The following RLF variants were observed in gnomAD, a reference collection of about 807,000 sequenced individuals.
RLF encodes RLF zinc finger, also known as zinc finger protein Rlf.
In RLF, 7 loss-of-function variants were observed where a neutral mutation model predicts 162.9. That is an observed-to-expected ratio of 0.04 (90% CI 0.02 to 0.08). The LOEUF (loss-of-function observed/expected upper bound fraction) is 0.08, where lower values mean the gene tolerates loss of function less well. Among genes scored for constraint, RLF ranks in the 10% least tolerant of loss-of-function variants. The pLI is 1.00. For missense variants in RLF, 1,664 were observed against 2,244.7 expected, an observed-to-expected ratio of 0.74 and a Z score of 5.23; for synonymous variants, 782 against 791.5, an observed-to-expected ratio of 0.99 and a Z score of 0.20.
chr1:40,179,330 T>A (rs546832220), intron 1 of RLF, among the ~76,000 whole-genome samples: 54 of 152,328 alleles, frequency 3.5e-4, no homozygotes, highest in Non-Finnish European at 5.3e-4. Flanking sequence ...TGTAATACTT[T>A]TACCCAGCAT....
chr1:40,181,001 G>A (rs1049369200), intron 1 of RLF, among the ~76,000 whole-genome samples: 3 of 152,158 alleles, frequency 2.0e-5, no homozygotes, highest in East Asian at 1.9e-4. Flanking sequence ...GTTTTCTCCT[G>A]AAGTTTTATC....
At chr1:40,178,632 G>GTTTTTTTTT (rs57391266) in intron 1 of RLF, among the ~76,000 whole-genome samples, 2 of 88,410 alleles carry the variant, frequency 2.3e-5, no homozygotes, top group Non-Finnish European at 4.7e-5. Context: ...TTTTTTTTTT[G>GTTTTTTTTT]TTTTTTTTTT....
rs374953272 is a variant in RLF at position 40,168,697 on chromosome 1, A to G, written c.237+7061A>G. ...ATATAAAATGCATTAAATTTTATAT[A>G]AATAATATGTTTTGGCCGTGCACGG... On this transcript the variant is annotated intron_variant, in intron 1 of 7. Transcript: ENST00000372771. 8.5e-5 allele frequency among the ~76,000 whole-genome samples: 13 copies of G among 152,300 alleles called. 1 individual carries two copies. The highest frequency in any genetic ancestry group is 3.9e-4 in the East Asian group (2 of 5,182).
intron 1 of RLF, among the ~76,000 whole-genome samples, chr1:40,171,618 A>G (rs1258794547): frequency 1.3e-5 from 2 of 152,224 alleles, no homozygotes; most frequent in Non-Finnish European, 1.5e-5. Context: ...AAACTAGTGG[A>G]TGCTCATTCT....
Position 40,239,474 on chromosome 1 carries a change from G to A in RLF, c.4772G>A (p.Cys1591Tyr), listed in dbSNP as rs746422845. 1 of 1,613,996 alleles carries A rather than the reference G, an allele frequency of 6.2e-7. No individual in the cohort carries two copies. The change falls in exon 8 of 8, where the codon TGC becomes TAC. Residue 1591 changes from cysteine to tyrosine, a missense_variant. This residue lies in a region of RLF where 327 missense variants were observed against 342.7 expected (regional missense o/e 0.95). Coordinates refer to ENST00000372771, the MANE Select transcript of RLF (RefSeq NM_012421.4). ...LEQQMENLVV[C>Y]VKYGTKIKEE... ...CAACAGATGGAGAATCTTGTTGTTT[G>A]CGTTAAGTACGGTACCAAAATTAAG... is the stretch of plus-strand genomic sequence containing the variant.
intron 7 of RLF, among the ~76,000 whole-genome samples, chr1:40,233,990 C>A (rs1205423566): frequency 1.3e-5 from 2 of 152,176 alleles, no homozygotes; most frequent in African/African-American, 2.4e-5. Flanking sequence ...ACTCTGTTGC[C>A]CAGGCTGGCA....
chr1:40,214,918 C>CAAAAAAAAAAAAAAAAAAAAAAAAAAA (rs34756935), intron 5 of RLF, among the ~76,000 whole-genome samples: 1 of 14,394 alleles, frequency 6.9e-5, no homozygotes, highest in Non-Finnish European at 1.4e-4. Context: ...GAGCCTGTCT[C>CAAAAAAAAAAAAAAAAAAAAAAAAAAA]AAAAAAAAAA....
chr1:40,222,750 A>G lies in RLF; in HGVS notation c.947+40A>G, dbSNP rs375968085. The G allele has an allele frequency of 1.5e-4, 235 of 1,544,590 alleles. No individual in the cohort carries two copies. The African/African-American group carries it at 2.8e-3, about 18-fold the overall frequency. On this transcript the variant is annotated intron_variant, in intron 6 of 7. Transcript: ENST00000372771. ...TTTTACACTCTTTATTTGTTAGTAC[A>G]TAGTATAGCATTTAGGGTTTATGTA...
chr1:40,171,389 A>G (rs2124525198), intron 1 of RLF, among the ~76,000 whole-genome samples: 1 of 152,288 alleles, frequency 6.6e-6, no homozygotes, highest in East Asian at 1.9e-4. Context: ...TAGCCAGCAC[A>G]ATTTCTTATT....
chr1:40,161,503 G>T lies in RLF; in HGVS notation c.104G>T (p.Arg35Leu). The change falls in exon 1 of 8, where the codon CGG becomes CTG. Residue 35 changes from arginine (R) to leucine (L), a missense_variant. Physicochemically the swap from Arg to Leu is moderately radical, Grantham distance 102. Coordinates refer to ENST00000372771, the MANE Select transcript of RLF (RefSeq NM_012421.4). The surrounding 1 kb of genome is among the most constrained non-coding windows in gnomAD (Gnocchi z 4.4). The stretch of plus-strand genomic sequence containing the variant: ...GGAGTCGAGACTGAGTCCATGGTTC[G>T]GGGTCATCGCCCCGTATCTCCAGCG... ...GDGVETESMV[R>L]GHRPVSPAPG... 1 of 1,604,482 alleles carries T rather than the reference G, an allele frequency of 6.2e-7. No homozygotes were observed. The highest frequency in any genetic ancestry group is 8.5e-7 in the Non-Finnish European group (1 of 1,176,184).
At chr1:40,183,237 T>C (rs1485320176) in intron 1 of RLF, among the ~76,000 whole-genome samples, 2 of 152,230 alleles carry the variant, frequency 1.3e-5, no homozygotes, top group Non-Finnish European at 1.5e-5. Context: ...TGTATAATTC[T>C]GGGAATTTCA....
At chr1:40,180,729 T>C (rs1642394220) in intron 1 of RLF, among the ~76,000 whole-genome samples, 1 of 152,250 alleles carries the variant, frequency 6.6e-6, no homozygotes, top group African/African-American at 2.4e-5. Flanking sequence ...TGCCCAATTT[T>C]TAATTGGCTT....
intron 1 of RLF, among the ~76,000 whole-genome samples, chr1:40,178,102 ATGAGTGT>A (rs2124528956): frequency 1.3e-5 from 2 of 151,796 alleles, no homozygotes; most frequent in African/African-American, 4.8e-5. Flanking sequence ...ATAGATATAT[ATGAGTGT>A]TATATAAATA....
chr1:40,239,701 C>T lies in RLF; in HGVS notation c.4999C>T (p.Leu1667Phe), dbSNP rs773021755. Residue 1667 changes from leucine (L) to phenylalanine (F), a missense_variant, in exon 8 of 8, where the codon CTC becomes TTC. By Grantham distance (22) the Leu-to-Phe change is conservative (BLOSUM62 0). This residue lies in a region of RLF where 327 missense variants were observed against 342.7 expected (regional missense o/e 0.95). Transcript: ENST00000372771. ...SSSVFDADTL[L>F]YRGTLKCNHS... ...CTCAGTATTTGATGCAGATACTCTG[C>T]TCTACAGGGGAACTTTGAAATGTAA... The T allele has an allele frequency of 1.9e-6, 3 of 1,614,168 alleles. No individual in the cohort carries two copies. The highest frequency in any genetic ancestry group is 2.2e-5 in the East Asian group (1 of 44,892).
intron 1 of RLF, among the ~76,000 whole-genome samples, chr1:40,180,468 G>T (rs1642391035): frequency 6.6e-6 from 1 of 152,052 alleles, no homozygotes; most frequent in Non-Finnish European, 1.5e-5. Flanking sequence ...CACCATGTTG[G>T]CCAGGCTGGT....
At chr1:40,163,241 T>G (rs983425160) in intron 1 of RLF, among the ~76,000 whole-genome samples, 2 of 152,114 alleles carry the variant, frequency 1.3e-5, no homozygotes, top group African/African-American at 4.8e-5. Flanking sequence ...CGTGAAGGTC[T>G]GGGGTGGGGA....
chr1:40,222,973 A>G (rs1205647897), intron 6 of RLF, among the ~76,000 whole-genome samples: 1 of 151,692 alleles, frequency 6.6e-6, no homozygotes, highest in Non-Finnish European at 1.5e-5. Context: ...AATTTTGTCA[A>G]TATGAAACAA....
chr1:40,237,907 C>G lies in RLF; in HGVS notation c.3205C>G (p.His1069Asp). The change falls in exon 8 of 8, where the codon CAT (histidine) becomes GAT (aspartate). Residue 1069 changes from histidine to aspartate, a missense_variant. His to Asp is a moderately conservative substitution (Grantham distance 81, BLOSUM62 -1). This residue lies in a region of RLF where 295 missense variants were observed against 317.4 expected (regional missense o/e 0.93). Coordinates refer to ENST00000372771, the MANE Select transcript of RLF (RefSeq NM_012421.4). This position sits in a 1 kb window ranked among gnomAD's most constrained non-coding sequence, Gnocchi z 4.4. ...TMLELLLRLK[H>D]LSLKNSITHG... ...GTTGGAACTTCTGTTACGCTTGAAA[C>G]ATTTAAGCTTGAAAAACTCAATAAC... The G allele has an allele frequency of 6.2e-7, 1 of 1,614,126 alleles. No individual in the cohort carries two copies. The highest frequency in any genetic ancestry group is 1.1e-5 in the South Asian group (1 of 91,084).
rs1018629534 is a variant in RLF, at chr1:40,167,020, TTACTA to T, written c.237+5387_237+5391del. On this transcript the variant is annotated intron_variant, in intron 1 of 7. Transcript: ENST00000372771. ...AAGTATAATTTTAAAAAAAAAGAAA[TTACTA>T]TAAAGGAACAGGATAGGAGCTTTTG... 2.6e-4 allele frequency among the ~76,000 whole-genome samples: 40 copies of T among 152,164 alleles called. 1 individual carries two copies. The highest frequency in any genetic ancestry group is 1.2e-4 in the African/African-American group (5 of 41,510).
Sources: allele counts gnomAD v4.1 joint callset (sites outside exome capture counted in the v4.1 genomes callset), GRCh38; gene constraint gnomAD v4.1.1; regional missense constraint gnomAD v4.1.1; non-coding constraint Gnocchi (gnomAD v3.1); transcripts MANE v1.5; gene names NCBI Gene and HGNC (gene_info 2026-07-23, HGNC 2026-07-21).